The following SPATA16 variants were observed in gnomAD, a reference collection of about 807,000 sequenced individuals.
SPATA16 encodes the protein spermatogenesis-associated protein 16.
Under a neutral mutation model 63.3 loss-of-function variants are expected in SPATA16, and 36 were observed. The observed-to-expected ratio is 0.57, with a 90% CI of 0.44 to 0.75. The LOEUF is 0.75. Ranked by LOEUF, SPATA16 falls within the 30% of genes least tolerant of loss-of-function variation. SPATA16 has a pLI of 0.00. For synonymous variants in SPATA16, 203 were observed against 216.7 expected (o/e 0.94, Z 0.56); for missense variants, 646 against 679.3 (o/e 0.95, Z 0.54).
intron 3 of SPATA16, among the ~76,000 whole-genome samples, chr3:173,021,857 G>A (rs1462926178): frequency 6.6e-6 from 1 of 151,620 alleles, no homozygotes; most frequent in Non-Finnish European, 1.5e-5. Context: ...AATTTGATGG[G>A]ACAAAATCCT....
intron 3 of SPATA16, among the ~76,000 whole-genome samples, chr3:173,034,800 TTTAG>T (rs1735678833): frequency 1.3e-5 from 2 of 152,164 alleles, no homozygotes; most frequent in African/African-American, 4.8e-5. Flanking sequence ...GGATTCAAGG[TTTAG>T]TTATAGATCA....
intron 4 of SPATA16, among the ~76,000 whole-genome samples, chr3:173,004,232 G>A (rs1734890089): frequency 6.6e-6 from 1 of 152,094 alleles, no homozygotes; most frequent in Admixed American, 6.5e-5. Flanking sequence ...CTTTGTCAGT[G>A]TTACTGTCTT....
intron 3 of SPATA16, among the ~76,000 whole-genome samples, chr3:173,037,011 TTAA>T (rs752388038): frequency 1.4e-4 from 21 of 152,028 alleles, no homozygotes; most frequent in Non-Finnish European, 2.6e-4. Flanking sequence ...TTTGGGATCT[TTAA>T]TAATGTTTAA....
chr3:173,083,372 C>T (rs551532405), intron 2 of SPATA16, among the ~76,000 whole-genome samples: 56 of 151,936 alleles, frequency 3.7e-4, no homozygotes, highest in Middle Eastern at 3.4e-3. Context: ...TGATAGAGTA[C>T]TATTAAGCCA....
At position 172,956,729 on chromosome 3, in the gene SPATA16, T is replaced by C. The variant is rs755460688; in HGVS notation, c.1029A>G (p.Val343=). 1.2e-6 allele frequency: 2 copies of C among 1,613,184 alleles called. No homozygotes were observed. The highest frequency in any genetic ancestry group is 2.2e-5 in the East Asian group (1 of 44,794). Residue 343 remains valine, a synonymous_variant, in exon 6 of 11, where the codon GTA becomes GTG. Transcript: ENST00000351008. ...TKIRADKIEK[V]KDAFTKTHPA... The stretch of plus-strand genomic sequence containing the variant: ...GATGAGTTTTTGTGAAAGCATCTTT[T>C]ACTTTTTCTATTTTATCAGCTCTTA...
intron 4 of SPATA16, among the ~76,000 whole-genome samples, chr3:173,008,019 A>C (rs1286678117): frequency 6.6e-6 from 1 of 152,206 alleles, no homozygotes; most frequent in African/African-American, 2.4e-5. Context: ...TTTAGCAAGA[A>C]TTGTTAAAAA....
intron 2 of SPATA16, among the ~76,000 whole-genome samples, chr3:173,103,793 C>T (rs1410264586): frequency 6.6e-6 from 1 of 152,272 alleles, no homozygotes; most frequent in African/African-American, 2.4e-5. Flanking sequence ...ATCTTTCTAA[C>T]AAGTGGTTGC....
chr3:172,977,145 G>T, intron 4 of SPATA16, 93 bp from the exon 5 acceptor site: 1 of 997,902 alleles, frequency 1.0e-6, no homozygotes, highest in Non-Finnish European at 1.5e-6. Flanking sequence ...TACTGAGGAA[G>T]ATGATTTTTA....
At chr3:173,088,008 GTCTTTCTT>G (rs57997275) in intron 2 of SPATA16, among the ~76,000 whole-genome samples, 8,693 of 90,400 alleles carry the variant, frequency 0.096, 534 homozygotes, top group Middle Eastern at 0.12. Flanking sequence ...TTTTCTTTCC[GTCTTTCTT>G]TCTTTCTTTC....
At chr3:172,910,108 T>C (rs1452747809) in intron 10 of SPATA16, among the ~76,000 whole-genome samples, 1 of 150,768 alleles carries the variant, frequency 6.6e-6, no homozygotes, top group Non-Finnish European at 1.5e-5. Flanking sequence ...TTTTTTTTTT[T>C]TTTGAGACAG....
At chr3:172,894,567 A>T (rs531820975) in intron 10 of SPATA16, among the ~76,000 whole-genome samples, 69 of 152,110 alleles carry the variant, frequency 4.5e-4, no homozygotes, top group African/African-American at 1.6e-3. Context: ...AGTATATTTA[A>T]TATAGAGTTA....
chr3:173,054,971 T>A (rs1736187271), intron 2 of SPATA16, among the ~76,000 whole-genome samples: 1 of 152,154 alleles, frequency 6.6e-6, no homozygotes, highest in Non-Finnish European at 1.5e-5. Context: ...CAAAATAATC[T>A]AATTTGAAAG....
intron 3 of SPATA16, 125 bp from the exon 4 acceptor site, chr3:173,019,700 A>G (rs1735275321): frequency 8.2e-6 from 7 of 850,988 alleles, no homozygotes; most frequent in Non-Finnish European, 1.3e-5. Context: ...ATACTAGTGA[A>G]AGGAGCCCTT....
chr3:172,976,837 T>C, intron 5 of SPATA16, 131 bp downstream of exon 5: 1 of 748,248 alleles, frequency 1.3e-6, no homozygotes. Context: ...AATACATTAT[T>C]ATTCAGTACC....
chr3:173,026,820 T>C (rs2108280959), intron 3 of SPATA16, among the ~76,000 whole-genome samples: 1 of 152,086 alleles, frequency 6.6e-6, no homozygotes, highest in East Asian at 1.9e-4. Context: ...TTGACTACTA[T>C]AGATTTATAA....
intron 5 of SPATA16, among the ~76,000 whole-genome samples, chr3:172,965,459 G>C (rs1020074382): frequency 2.0e-5 from 3 of 152,058 alleles, no homozygotes; most frequent in African/African-American, 7.2e-5. Context: ...CATGACCTTG[G>C]TGGTGTGCAG....
chr3:173,042,497 A>G (rs1225998960), intron 3 of SPATA16, among the ~76,000 whole-genome samples: 1 of 152,208 alleles, frequency 6.6e-6, no homozygotes, highest in African/African-American at 2.4e-5. Flanking sequence ...AAGTGTTGGC[A>G]TTACAGGCAG....
chr3:172,897,327 C>G (rs77354739), intron 10 of SPATA16, among the ~76,000 whole-genome samples: 14,841 of 152,086 alleles, frequency 0.098, 818 homozygotes, highest in African/African-American at 0.15. Flanking sequence ...ATCCCTCCAT[C>G]AGTATACAAA....
intron 6 of SPATA16, among the ~76,000 whole-genome samples, chr3:172,941,565 A>G (rs571184676): frequency 6.6e-6 from 1 of 152,330 alleles, no homozygotes; most frequent in South Asian, 2.1e-4. Context: ...TAGATTAGAA[A>G]TTTATAACCT....
Sources: gnomAD v4.1 joint callset for allele counts (sites outside exome capture counted in the v4.1 genomes callset) on GRCh38, gnomAD v4.1.1 for gene constraint, MANE v1.5 for transcripts, NCBI Gene and HGNC (gene_info 2026-07-23, HGNC 2026-07-21) for gene names.